The following KAT6A variants were observed in gnomAD, a reference collection of about 807,000 sequenced individuals.
KAT6A encodes the protein lysine acetyltransferase 6A, also known as histone acetyltransferase KAT6A.
KAT6A carries 9 observed loss-of-function variants against 198.4 expected under a neutral mutation model. The observed-to-expected ratio is 0.05, with a 90% CI of 0.03 to 0.08. KAT6A has a LOEUF of 0.08. Among genes scored for constraint, KAT6A ranks in the 10% least tolerant of loss-of-function variants. KAT6A has a pLI of 1.00. For synonymous variants in KAT6A, 890 were observed against 883.0 expected (o/e 1.01, Z -0.14); for missense variants, 2,077 against 2,509.9 (o/e 0.83, Z 3.69).
At chr8:42,007,538 G>GAA (rs1225780168) in intron 2 of KAT6A, among the ~76,000 whole-genome samples, 16 of 152,132 alleles carry the variant, frequency 1.1e-4, no homozygotes, top group Non-Finnish European at 2.1e-4. Flanking sequence ...GAAATGTGTG[G>GAA]ACTGAGTTCT....
chr8:41,941,213 C>G lies in KAT6A; in HGVS notation c.2668G>C (p.Glu890Gln). Residue 890 changes from glutamate (E) to glutamine (Q), a missense_variant, in exon 15 of 17, where the codon GAG becomes CAG. Glu to Gln is a conservative substitution (Grantham distance 29, BLOSUM62 2). Coordinates refer to ENST00000265713, the MANE Select transcript of KAT6A (RefSeq NM_006766.5). Reference sequence around the variant, plus strand: ...TGTTCCTGAGGAGCTGAAGACGTCTCTTCCAAGAGCAGTTTAGAATCTTTA... The same window carrying G: ...TGTTCCTGAGGAGCTGAAGACGTCTGTTCCAAGAGCAGTTTAGAATCTTTA... ...GDKDSKLLLE[E>Q]TSSAPQEQYG... The G allele has an allele frequency of 6.2e-7, 1 of 1,614,170 alleles. No individual in the cohort carries two copies. Among genetic ancestry groups the G allele is most frequent in the African/African-American group, 1.3e-5 (1 of 75,034 alleles).
At chr8:42,035,524 AG>A (rs1827332191) in intron 2 of KAT6A, among the ~76,000 whole-genome samples, 1 of 152,234 alleles carries the variant, frequency 6.6e-6, no homozygotes, top group African/African-American at 2.4e-5. Flanking sequence ...ACAGAACCTT[AG>A]GGAATCCAAC....
intron 2 of KAT6A, among the ~76,000 whole-genome samples, chr8:42,043,924 A>G (rs1200214562): frequency 7.4e-6 from 1 of 135,476 alleles, no homozygotes; most frequent in Non-Finnish European, 1.8e-5. Context: ...TGTTATTAAT[A>G]ACTAACTAAC....
chr8:42,051,689 G>C (rs1419334616), intron 1 of KAT6A, among the ~76,000 whole-genome samples: 2 of 145,450 alleles, frequency 1.4e-5, no homozygotes, highest in African/African-American at 2.5e-5. Context: ...CGCCGAACAA[G>C]CGAGCAAGCG....
intron 2 of KAT6A, among the ~76,000 whole-genome samples, chr8:42,017,120 C>G (rs538469181): frequency 6.6e-6 from 1 of 152,124 alleles, no homozygotes; most frequent in Non-Finnish European, 1.5e-5. Context: ...GTGGACTCAT[C>G]TGAGGACAGA....
intron 8 of KAT6A, among the ~76,000 whole-genome samples, chr8:41,965,080 A>G (rs1178509561): frequency 2.0e-5 from 3 of 152,208 alleles, no homozygotes; most frequent in African/African-American, 7.2e-5. Context: ...GATGATATAG[A>G]AAACACAGTA....
intron 8 of KAT6A, among the ~76,000 whole-genome samples, chr8:41,964,007 A>C (rs1823336315): frequency 6.6e-6 from 1 of 152,152 alleles, no homozygotes; most frequent in African/African-American, 2.4e-5. Context: ...CTCTACAAAG[A>C]CTTAAAATTT....
At chr8:41,949,504 G>T (rs570647446) in intron 9 of KAT6A, 141 bp from the exon 10 acceptor site, 1 of 457,344 alleles carries the variant, frequency 2.2e-6, no homozygotes, top group Non-Finnish European at 3.7e-6. Flanking sequence ...AATACTGGAC[G>T]GTAAAATGAC....
chr8:41,932,564 C>G lies in KAT6A; in HGVS notation c.5656G>C (p.Ala1886Pro). 6.2e-7 allele frequency: 1 copy of G among 1,614,242 alleles called. No homozygotes were observed. Among genetic ancestry groups the G allele is most frequent in the Non-Finnish European group, 8.5e-7 (1 of 1,180,038 alleles). Residue 1886 changes from alanine to proline, a missense_variant, in exon 17 of 17, where the codon GCT becomes CCT. Physicochemically the swap from Ala to Pro is conservative, Grantham distance 27 (BLOSUM62 -1). Transcript: ENST00000265713. ...GRSPSAVAMQ[A>P]GPRALAVQRG... is the part of the protein sequence containing the mutation. ...TGAACAGCCAGTGCGCGAGGGCCAG[C>G]CTGCATGGCAACTGCCGATGGGCTA...
At chr8:42,003,411 A>G (rs1027331069) in intron 2 of KAT6A, among the ~76,000 whole-genome samples, 2 of 149,988 alleles carry the variant, frequency 1.3e-5, no homozygotes, top group African/African-American at 4.9e-5. Context: ...AGCTCTGTGG[A>G]GCCCCTCCTC....
rs1824373983 is a variant in KAT6A at position 41,981,916 on chromosome 8, C to T, written c.748G>A (p.Val250Ile). The T allele has an allele frequency of 3.7e-6, 6 of 1,613,844 alleles. No homozygotes were observed. The highest frequency in any genetic ancestry group is 5.1e-6 in the Non-Finnish European group (6 of 1,179,882). Residue 250 changes from valine to isoleucine, a missense_variant, in exon 4 of 17, where the codon GTT becomes ATT. Coordinates refer to ENST00000265713, the MANE Select transcript of KAT6A (RefSeq NM_006766.5). The stretch of plus-strand genomic sequence containing the variant: ...TGCCACCGTAAGGCCTTCACTCGAA[C>T]CGTTAGTTCAGGGGAAAACTTTAAA... Reference protein sequence around the residue: ...SCLKFSPELTVRVKALRWQCI... With the variant: ...SCLKFSPELTIRVKALRWQCI...
chr8:42,001,490 G>C (rs1447651082), intron 2 of KAT6A, among the ~76,000 whole-genome samples: 2 of 152,128 alleles, frequency 1.3e-5, no homozygotes, highest in Non-Finnish European at 2.9e-5. Flanking sequence ...TCAAAAAACT[G>C]TCTAAGACTA....
chr8:41,949,311 T>C lies in KAT6A; in HGVS notation c.1651A>G (p.Thr551Ala). ...EFCLKYMKSR[T>A]ILQQHMKKCG... ...TTCTTCATGTGCTGCTGCAGAATAG[T>C]TCTACTTTTCATATATTTTAGACAA... The change falls in exon 10 of 17, where the codon ACT becomes GCT. Residue 551 changes from threonine (T) to alanine (A), a missense_variant. By Grantham distance (58) the Thr-to-Ala change is moderately conservative. Around this residue, in one of 13 missense-constraint regions of KAT6A, gnomAD observed 46 missense variants for 88.2 expected, o/e 0.52. Transcript: ENST00000265713. 1 of 1,574,204 alleles carries C rather than the reference T, an allele frequency of 6.4e-7. No individual in the cohort carries two copies. Among genetic ancestry groups the C allele is most frequent in the Non-Finnish European group, 8.6e-7 (1 of 1,164,020 alleles).
chr8:42,002,106 G>A (rs987880599), intron 2 of KAT6A, among the ~76,000 whole-genome samples: 1 of 152,090 alleles, frequency 6.6e-6, no homozygotes, highest in Non-Finnish European at 1.5e-5. Flanking sequence ...ATGCTCTACA[G>A]GTATTAACAC....
Position 41,941,140 on chromosome 8 carries a change from G to C in KAT6A, c.2741C>G (p.Thr914Ser), listed in dbSNP as rs756382063. ...EKSEATQEQY[T>S]ESEEQLVASE... ...AGCCACCAGCTGTTCTTCACTTTCA[G>C]TGTATTGTTCCTGGGTGGCTTCTGA... Residue 914 changes from threonine to serine, a missense_variant, in exon 15 of 17, where the codon ACT (threonine) becomes AGT (serine). Physicochemically the swap from Thr to Ser is moderately conservative, Grantham distance 58. Coordinates refer to ENST00000265713, the MANE Select transcript of KAT6A (RefSeq NM_006766.5). 1.2e-6 allele frequency: 2 copies of C among 1,614,170 alleles called. No individual in the cohort carries two copies. Among genetic ancestry groups the C allele is most frequent in the Admixed American group, 1.7e-5 (1 of 60,018 alleles).
rs969020252 is a variant in KAT6A, at chr8:41,945,890, T to C, written c.1996+701A>G. On this transcript the variant is annotated intron_variant, in intron 12 of 16. Coordinates refer to ENST00000265713, the MANE Select transcript of KAT6A (RefSeq NM_006766.5). The stretch of plus-strand genomic sequence containing the variant: ...AAAAATACAAAAAAATTAGCCGGGT[T>C]GTGGTGGCTGGTGCCTGTAGTCCCA... 4.0e-5 allele frequency among the ~76,000 whole-genome samples: 6 copies of C among 151,870 alleles called. No homozygotes were observed. The East Asian group carries it at 5.9e-4, about 15-fold the overall frequency.
At chr8:41,941,618 T>TATGC (rs1822141225) in intron 14 of KAT6A, among the ~76,000 whole-genome samples, 174 bp from the exon 15 acceptor site, 1 of 152,246 alleles carries the variant, frequency 6.6e-6, no homozygotes, top group South Asian at 2.1e-4. Context: ...AAATTCTGTA[T>TATGC]ATGCATTATT....
Position 41,932,178 on chromosome 8 carries a change from A to AAAT in KAT6A, c.*26_*27insATT, listed in dbSNP as rs1491092380. 9 of 1,508,630 alleles carry AAAT rather than the reference A, an allele frequency of 6.0e-6. No individual in the cohort carries two copies. The highest frequency in any genetic ancestry group is 8.0e-6 in the Non-Finnish European group (9 of 1,129,588). 93.5% of individuals were successfully genotyped at this position (1,508,630 alleles called of 1,614,324 possible). ...AAGGTTCCTTTATTTATATATATTT[A>AAAT]AGTTTTTGATTGCAAGTTCATCTTG... On this transcript the variant is annotated 3_prime_UTR_variant, in exon 17 of 17. Coordinates refer to ENST00000265713, the MANE Select transcript of KAT6A (RefSeq NM_006766.5).
At chr8:41,983,647 G>C (rs1053342083) in intron 3 of KAT6A, among the ~76,000 whole-genome samples, 1 of 152,158 alleles carries the variant, frequency 6.6e-6, no homozygotes, top group Non-Finnish European at 1.5e-5. Context: ...ATGAATTCCT[G>C]AAAGTGGGAT....
Sources: allele counts gnomAD v4.1 joint callset (sites outside exome capture counted in the v4.1 genomes callset), GRCh38; gene constraint gnomAD v4.1.1; regional missense constraint gnomAD v4.1.1; transcripts MANE v1.5; gene names NCBI Gene and HGNC (gene_info 2026-07-23, HGNC 2026-07-21).